SNTB2: variants seen among roughly 807,000 people sequenced by gnomAD.
SNTB2 encodes syntrophin beta 2, also known as beta-2-syntrophin.
Under a neutral mutation model 46.2 loss-of-function variants are expected in SNTB2, and 34 were observed. The observed-to-expected ratio is 0.74, with a 90% CI of 0.56 to 0.98. The LOEUF is 0.98. SNTB2 is among the 50% of genes least tolerant of loss of function. The pLI is 0.00. For missense variants in SNTB2, 603 were observed against 731.4 expected, an observed-to-expected ratio of 0.82 and a Z score of 2.02; for synonymous variants, 290 against 312.6, an observed-to-expected ratio of 0.93 and a Z score of 0.76.
At chr16:69,253,559 G>T (rs2143068352) in intron 2 of SNTB2, among the ~76,000 whole-genome samples, 3 of 152,224 alleles carry the variant, frequency 2.0e-5, no homozygotes, top group Admixed American at 2.0e-4. Context: ...TGAGGCAGGA[G>T]AATGGCGTGA....
chr16:69,269,337 T>G (rs1964916066), intron 3 of SNTB2, among the ~76,000 whole-genome samples: 1 of 150,910 alleles, frequency 6.6e-6, no homozygotes, highest in Non-Finnish European at 1.5e-5. Flanking sequence ...GCCAACATGG[T>G]GAAACCCCAT....
intron 5 of SNTB2, among the ~76,000 whole-genome samples, chr16:69,297,713 A>C (rs1434343575): frequency 6.6e-6 from 1 of 152,074 alleles, no homozygotes; most frequent in Non-Finnish European, 1.5e-5. Flanking sequence ...GGAGTTCAAG[A>C]CCAACCTGGC....
chr16:69,190,714 A>C (rs1340653650), intron 1 of SNTB2, among the ~76,000 whole-genome samples: 1 of 152,170 alleles, frequency 6.6e-6, no homozygotes, highest in Non-Finnish European at 1.5e-5. Flanking sequence ...TTAAAAAGCT[A>C]TTCTAGCCAG....
intron 4 of SNTB2, among the ~76,000 whole-genome samples, chr16:69,279,635 C>T (rs1965019302): frequency 6.9e-6 from 1 of 145,344 alleles, no homozygotes; most frequent in African/African-American, 2.6e-5. Context: ...ACGCCATTCT[C>T]TTGCCTCAGC....
intron 4 of SNTB2, among the ~76,000 whole-genome samples, chr16:69,279,185 C>A (rs1965012974): frequency 6.6e-6 from 1 of 152,182 alleles, no homozygotes; most frequent in Non-Finnish European, 1.5e-5. Flanking sequence ...ATCTCTCCCT[C>A]AATCCCTGAT....
chr16:69,256,088 A>G (rs1964773217), intron 2 of SNTB2, among the ~76,000 whole-genome samples: 1 of 152,050 alleles, frequency 6.6e-6, no homozygotes, highest in Non-Finnish European at 1.5e-5. Flanking sequence ...CGGGAGGCTG[A>G]GGCAGGAGAA....
chr16:69,284,115 A>G lies in SNTB2; in HGVS notation c.1216A>G (p.Thr406Ala). 6.2e-7 allele frequency: 1 copy of G among 1,614,026 alleles called. No individual in the cohort carries two copies. The highest frequency in any genetic ancestry group is 8.5e-7 in the Non-Finnish European group (1 of 1,180,000). Residue 406 changes from threonine to alanine, a missense_variant, in exon 5 of 7, where the codon ACA (threonine) becomes GCA (alanine). Physicochemically the swap from Thr to Ala is moderately conservative, Grantham distance 58 (BLOSUM62 0). Transcript: ENST00000336278. ...LGSDLTFATR[T>A]GSRQGIEMHL... ...ATCTGACCTTACATTTGCTACCAGG[A>G]CAGGCTCTCGACAGGGCATTGAGAT... is the stretch of plus-strand genomic sequence containing the variant.
chr16:69,249,008 A>G (rs1017732654), intron 2 of SNTB2, among the ~76,000 whole-genome samples: 61 of 150,280 alleles, frequency 4.1e-4, no homozygotes, highest in African/African-American at 1.4e-3. Context: ...CAATTTTGTT[A>G]TAAATCATTT....
intron 4 of SNTB2, among the ~76,000 whole-genome samples, chr16:69,277,034 A>G (rs573526132): frequency 6.6e-6 from 1 of 152,226 alleles, no homozygotes; most frequent in Non-Finnish European, 1.5e-5. Flanking sequence ...CTGTTGTCTC[A>G]AGGAAAAGCA....
rs372800615 is a variant in SNTB2, at chr16:69,214,062, A to G, written c.580+26316A>G. Among the ~76,000 whole-genome samples the G allele has an allele frequency of 4.4e-5, 6 of 134,952 alleles. No individual in the cohort carries two copies. The East Asian group carries it at 9.1e-4, about 21-fold the overall frequency. 88.5% of individuals were successfully genotyped at this position (134,952 alleles called of 152,430 possible). ...CTGGTCTTGAACTCCTGACCTCGTGATCCACCCGCCTCGGCCTCCCAAAGT... is the reference window on the plus strand; with the variant it reads ...CTGGTCTTGAACTCCTGACCTCGTGGTCCACCCGCCTCGGCCTCCCAAAGT... On this transcript the variant is annotated intron_variant, in intron 1 of 6. Transcript: ENST00000336278.
chr16:69,188,393 C>T (rs1386726736), intron 1 of SNTB2, among the ~76,000 whole-genome samples: 1 of 152,226 alleles, frequency 6.6e-6, no homozygotes, highest in East Asian at 1.9e-4. Context: ...TGCAAGTCTG[C>T]TGCCAGCTTC....
At chr16:69,192,155 GA>G (rs1425681004) in intron 1 of SNTB2, among the ~76,000 whole-genome samples, 2 of 152,198 alleles carry the variant, frequency 1.3e-5, no homozygotes, top group Non-Finnish European at 2.9e-5. Flanking sequence ...CCGAAGGTGG[GA>G]AAAACAGCAG....
chr16:69,235,529 CA>C (rs1290726010), intron 1 of SNTB2, among the ~76,000 whole-genome samples: 1 of 151,986 alleles, frequency 6.6e-6, no homozygotes, highest in Non-Finnish European at 1.5e-5. Context: ...AGACTTTAAT[CA>C]CTGTAAATGT....
chr16:69,219,318 A>T (rs2152293352), intron 1 of SNTB2, among the ~76,000 whole-genome samples: 1 of 152,320 alleles, frequency 6.6e-6, no homozygotes, highest in South Asian at 2.1e-4. Flanking sequence ...AGAGCTGGGG[A>T]ATAGGGAGAT....
rs1567416389 is a variant in SNTB2, at chr16:69,292,389, ATTATATAT to A, written c.1346-7200_1346-7193del. Among the ~76,000 whole-genome samples the A allele has an allele frequency of 1.7e-3, 19 of 11,334 alleles. 2 individuals carry two copies. The highest frequency in any genetic ancestry group is 5.1e-3 in the African/African-American group (19 of 3,734). The allele number at this position is 11,334 out of a possible 152,430, so 7.4% of individuals were successfully genotyped here. ...ATATATATATATATATTATATATAT[ATTATATAT>A]ATATATATATTATATATATATTATA... On this transcript the variant is annotated intron_variant, in intron 5 of 6. Transcript: ENST00000336278.
Position 69,292,398 on chromosome 16 carries a change from ATATATATATTATATATATATT to A in SNTB2, c.1346-7191_1346-7171del, listed in dbSNP as rs1965175562. Reference sequence around the variant, plus strand: ...TATATATTATATATATATTATATATATATATATATTATATATATATTATATATATATATATATTATATATAT... The same window carrying A: ...TATATATTATATATATATTATATATAATATATATATATATATTATATATAT... On this transcript the variant is annotated intron_variant, in intron 5 of 6. Coordinates refer to ENST00000336278, the MANE Select transcript of SNTB2 (RefSeq NM_006750.4). 9.4e-4 allele frequency among the ~76,000 whole-genome samples: 28 copies of A among 29,818 alleles called. 7 individuals carry two copies. The South Asian group carries it at 0.015, about 16-fold the overall frequency. The allele number at this position is 29,818 out of a possible 152,430, so 19.6% of individuals were successfully genotyped here.
intron 2 of SNTB2, among the ~76,000 whole-genome samples, chr16:69,257,288 G>A (rs1178037433): frequency 1.3e-5 from 2 of 151,566 alleles, no homozygotes; most frequent in Admixed American, 6.6e-5. Context: ...GGAAATCAAA[G>A]AGCTCATCAG....
chr16:69,281,803 A>G (rs1437676382), intron 4 of SNTB2, among the ~76,000 whole-genome samples: 1 of 149,620 alleles, frequency 6.7e-6, no homozygotes, highest in Non-Finnish European at 1.5e-5. Flanking sequence ...AAATCATGCC[A>G]TTGTGCTCCA....
chr16:69,295,687 G>A (rs28545584), intron 5 of SNTB2, among the ~76,000 whole-genome samples: 41,068 of 150,038 alleles, frequency 0.27, 6,165 homozygotes, highest in African/African-American at 0.39. Flanking sequence ...ATGCTATCCC[G>A]TCAGAAAAGG....
Sources: gnomAD v4.1 joint callset for allele counts (sites outside exome capture counted in the v4.1 genomes callset) on GRCh38, gnomAD v4.1.1 for gene constraint, MANE v1.5 for transcripts, NCBI Gene and HGNC (gene_info 2026-07-23, HGNC 2026-07-21) for gene names.